MTUS1: variants seen among roughly 807,000 people sequenced by gnomAD.
MTUS1 encodes microtubule associated scaffold protein 1, also known as microtubule-associated tumor suppressor 1.
MTUS1 carries 109 observed loss-of-function variants against 120.8 expected under a neutral mutation model. The ratio of observed to expected loss-of-function variants is 0.90; its 90% CI spans 0.77 to 1.06. The LOEUF is 1.06. Among genes scored for constraint, MTUS1 ranks in the 50% least tolerant of loss-of-function variants. The pLI is 0.00. For missense variants in MTUS1, 2,210 were observed against 1,486.3 expected, an observed-to-expected ratio of 1.49 and a Z score of -8.01; for synonymous variants, 737 against 550.5, an observed-to-expected ratio of 1.34 and a Z score of -4.74.
chr8:17,723,637 C>T (rs1203007359), intron 4 of MTUS1, 35 bp downstream of exon 4: 2 of 1,592,072 alleles, frequency 1.3e-6, no homozygotes, highest in East Asian at 2.2e-5. Flanking sequence ...TGACTGTTTC[C>T]ACAACCCCCG....
intron 4 of MTUS1, among the ~76,000 whole-genome samples, chr8:17,720,285 C>T (rs186106968): frequency 3.3e-5 from 5 of 151,292 alleles, no homozygotes; most frequent in African/African-American, 1.2e-4. Flanking sequence ...GCAGAGGTTG[C>T]AGTGAGCTGA....
At chr8:17,710,210 G>A (rs1042380897) in intron 6 of MTUS1, among the ~76,000 whole-genome samples, 2 of 152,104 alleles carry the variant, frequency 1.3e-5, no homozygotes, top group African/African-American at 2.4e-5. Flanking sequence ...TGAAGTTTGC[G>A]ACATCAATTG....
intron 8 of MTUS1, among the ~76,000 whole-genome samples, chr8:17,660,089 T>G (rs911382375): frequency 2.0e-5 from 3 of 151,994 alleles, no homozygotes; most frequent in Non-Finnish European, 4.4e-5. Context: ...TATTCCATTG[T>G]TGGCCGGGTG....
intron 4 of MTUS1, among the ~76,000 whole-genome samples, chr8:17,721,173 A>T (rs908082664): frequency 1.4e-4 from 22 of 152,234 alleles, no homozygotes; most frequent in African/African-American, 5.3e-4. Flanking sequence ...TTAAGCCAGT[A>T]TAAATCAGAA....
At chr8:17,697,110 C>T in intron 6 of MTUS1, 2 of 1,047,520 alleles carry the variant, frequency 1.9e-6, no homozygotes, top group Non-Finnish European at 2.6e-6. Context: ...CAACAGAAAA[C>T]AATTTTTAAA....
chr8:17,661,400 A>C (rs566592056), intron 8 of MTUS1, among the ~76,000 whole-genome samples: 165 of 152,356 alleles, frequency 1.1e-3, no homozygotes, highest in African/African-American at 3.8e-3. Flanking sequence ...TCTGGGACAG[A>C]AACATCTAAG....
At chr8:17,740,611 G>C (rs2047247004) in intron 3 of MTUS1, among the ~76,000 whole-genome samples, 1 of 152,176 alleles carries the variant, frequency 6.6e-6, no homozygotes, top group Non-Finnish European at 1.5e-5. Flanking sequence ...AAAATTAGTT[G>C]CTATTAATTT....
At chr8:17,691,172 AT>A (rs1464398430) in intron 6 of MTUS1, 1 of 152,170 alleles carries the variant, frequency 6.6e-6, no homozygotes, top group Non-Finnish European at 1.5e-5. Context: ...CTTACTTTCC[AT>A]TTTTGTGTAA....
chr8:17,765,523 G>C (rs192573956), intron 1 of MTUS1, among the ~76,000 whole-genome samples: 140 of 151,214 alleles, frequency 9.3e-4, no homozygotes, highest in Middle Eastern at 3.4e-3. Flanking sequence ...GGGAGGCTGA[G>C]GCAGAAGAAT....
chr8:17,756,180 A>G (rs2048593950), intron 1 of MTUS1, among the ~76,000 whole-genome samples: 1 of 152,204 alleles, frequency 6.6e-6, no homozygotes, highest in East Asian at 1.9e-4. Context: ...AAAATGGAAG[A>G]TGGGGTCATT....
chr8:17,776,402 G>C (rs139360160), intron 1 of MTUS1, among the ~76,000 whole-genome samples: 2 of 151,896 alleles, frequency 1.3e-5, no homozygotes, highest in Non-Finnish European at 2.9e-5. Flanking sequence ...TCTCACATAC[G>C]AGGCCCAGTG....
At chr8:17,747,454 C>G in intron 2 of MTUS1, among the ~76,000 whole-genome samples, 1 of 152,160 alleles carries the variant, frequency 6.6e-6, no homozygotes, top group Middle Eastern at 3.2e-3. Flanking sequence ...TGCCTGTTTA[C>G]TGTATTGATA....
intron 3 of MTUS1, among the ~76,000 whole-genome samples, chr8:17,730,776 C>T (rs1472477287): frequency 6.6e-6 from 1 of 152,038 alleles, no homozygotes; most frequent in Non-Finnish European, 1.5e-5. Context: ...TAGTCAAATG[C>T]ATATAGACAG....
chr8:17,706,589 T>C (rs1446690402), intron 6 of MTUS1, among the ~76,000 whole-genome samples: 1 of 152,186 alleles, frequency 6.6e-6, no homozygotes, highest in East Asian at 1.9e-4. Context: ...TCAACCACGG[T>C]ATAAAATGAT....
intron 2 of MTUS1, among the ~76,000 whole-genome samples, chr8:17,747,035 C>T (rs1328093055): frequency 6.6e-6 from 1 of 152,188 alleles, no homozygotes; most frequent in Admixed American, 6.5e-5. Flanking sequence ...CTGGTCTCTC[C>T]AGCTTTCAAT....
chr8:17,779,001 T>C (rs1404294963), intron 1 of MTUS1, among the ~76,000 whole-genome samples: 2 of 151,928 alleles, frequency 1.3e-5, no homozygotes, highest in African/African-American at 2.4e-5. Context: ...GACAAAAAAA[T>C]AGACACAACT....
At chr8:17,686,525 AACTT>A (rs1370295619) in intron 6 of MTUS1, among the ~76,000 whole-genome samples, 6 of 152,124 alleles carry the variant, frequency 3.9e-5, no homozygotes, top group Non-Finnish European at 8.8e-5. Context: ...GTCCTACCGA[AACTT>A]ACTTAAAAAT....
chr8:17,659,855 G>A (rs925686794), intron 8 of MTUS1, among the ~76,000 whole-genome samples: 2 of 152,016 alleles, frequency 1.3e-5, no homozygotes, highest in East Asian at 3.8e-4. Flanking sequence ...CTGAAACTTC[G>A]TACCAATTAA....
intron 1 of MTUS1, among the ~76,000 whole-genome samples, chr8:17,757,478 C>G (rs1288195997): frequency 6.6e-6 from 1 of 152,116 alleles, no homozygotes; most frequent in Non-Finnish European, 1.5e-5. Context: ...AAAAATGAAA[C>G]CATTAAAACA....
Sources: allele counts gnomAD v4.1 joint callset (sites outside exome capture counted in the v4.1 genomes callset), GRCh38; gene constraint gnomAD v4.1.1; transcripts MANE v1.5; gene names NCBI Gene and HGNC (gene_info 2026-07-23, HGNC 2026-07-21).